The following DAB1 variants were observed in gnomAD, a reference collection of about 807,000 sequenced individuals.
The protein encoded by DAB1 is DAB adaptor protein 1.
DAB1 carries 15 observed loss-of-function variants against 64.6 expected under a neutral mutation model. The observed-to-expected ratio is 0.23, with a 90% confidence interval of 0.16 to 0.36. The LOEUF is 0.36. DAB1 is among the 10% of genes least tolerant of loss of function. The pLI is 1.00. For missense variants in DAB1, 596 were observed against 706.7 expected, an observed-to-expected ratio of 0.84 and a Z score of 1.78; for synonymous variants, 235 against 251.9, an observed-to-expected ratio of 0.93 and a Z score of 0.64.
At chr1:58,524,034 T>C (rs1488495263) in intron 2 of DAB1, among the ~76,000 whole-genome samples, 15 of 152,232 alleles carry the variant, frequency 9.9e-5, no homozygotes, top group Non-Finnish European at 1.5e-5. Flanking sequence ...ACCAAAAGAC[T>C]GGCAGCTGGT....
At chr1:58,536,454 C>T in intron 1 of DAB1, 1 of 746,640 alleles carries the variant, frequency 1.3e-6, no homozygotes, top group East Asian at 2.5e-5. Flanking sequence ...ATTTAAGATA[C>T]TTTCCTACTT....
chr1:58,073,892 G>C (rs1472506395), intron 5 of DAB1, among the ~76,000 whole-genome samples: 1 of 152,166 alleles, frequency 6.6e-6, no homozygotes, highest in African/African-American at 2.4e-5. Context: ...CACTCTCTAA[G>C]GGAAGCAGAA....
intron 7 of DAB1, among the ~76,000 whole-genome samples, chr1:57,648,529 A>G (rs1177114269): frequency 6.6e-6 from 1 of 152,192 alleles, no homozygotes; most frequent in African/African-American, 2.4e-5. Context: ...AGTCCCTCAG[A>G]GTAATTAATT....
chr1:57,197,630 A>G (rs1442926482), intron 2 of DAB1, among the ~76,000 whole-genome samples: 1 of 152,256 alleles, frequency 6.6e-6, no homozygotes, highest in African/African-American at 2.4e-5. Context: ...TTTTAGTGCC[A>G]GATTCATCTA....
At chr1:57,317,463 G>A (rs1180964381) in intron 1 of DAB1, among the ~76,000 whole-genome samples, 8 of 152,024 alleles carry the variant, frequency 5.3e-5, no homozygotes, top group East Asian at 1.9e-4. Context: ...TTTTAGTCAC[G>A]TAAATAGAAT....
intron 1 of DAB1, among the ~76,000 whole-genome samples, chr1:57,390,892 T>C (rs539310): frequency 0.41 from 62,480 of 152,146 alleles, 13,412 homozygotes; most frequent in African/African-American, 0.47. Flanking sequence ...AATTCCTAGC[T>C]GTCCTCCTTC....
chr1:58,101,481 G>A (rs1219519854), intron 5 of DAB1, among the ~76,000 whole-genome samples: 2 of 152,132 alleles, frequency 1.3e-5, no homozygotes, highest in Non-Finnish European at 2.9e-5. Context: ...TACCTGGGGG[G>A]TAAGGGGACA....
chr1:58,497,364 T>C (rs962827443), intron 3 of DAB1, among the ~76,000 whole-genome samples: 1 of 152,178 alleles, frequency 6.6e-6, no homozygotes, highest in Admixed American at 6.5e-5. Context: ...AGAAATCTGA[T>C]GTAGACAGAA....
chr1:57,870,098 T>C (rs995236331), intron 1 of DAB1, among the ~76,000 whole-genome samples: 3 of 152,088 alleles, frequency 2.0e-5, no homozygotes, highest in Non-Finnish European at 4.4e-5. Flanking sequence ...CTCTGTATAA[T>C]GGGGGCAATC....
At chr1:57,810,120 C>T (rs1478384226) in intron 6 of DAB1, among the ~76,000 whole-genome samples, 1 of 152,156 alleles carries the variant, frequency 6.6e-6, no homozygotes, top group African/African-American at 2.4e-5. Context: ...CTCCCCCAGC[C>T]TTTTAGATTC....
rs530985618 is a variant in DAB1, at chr1:57,161,379, G to A, written c.68-15950C>T. 8.5e-5 allele frequency among the ~76,000 whole-genome samples: 13 copies of A among 152,240 alleles called. No individual in the cohort carries two copies. The East Asian group carries it at 1.2e-3, about 14-fold the overall frequency. ...CAAAGTCCCCCGGCAAAACTGTTGC[G>A]TGTTTGCCAGCCATCCTGGGCAGCT... On this transcript the variant is annotated intron_variant, in intron 2 of 14. Transcript: ENST00000371236.
chr1:57,872,348 C>T (rs1297911228), intron 1 of DAB1, among the ~76,000 whole-genome samples: 1 of 152,132 alleles, frequency 6.6e-6, no homozygotes, highest in Non-Finnish European at 1.5e-5. Flanking sequence ...AAAGAGACTC[C>T]TCATCCCTTC....
chr1:57,952,275 AAG>A (rs1356876611), intron 5 of DAB1, among the ~76,000 whole-genome samples: 1 of 152,098 alleles, frequency 6.6e-6, no homozygotes, highest in African/African-American at 2.4e-5. Flanking sequence ...TATGATGGGG[AAG>A]AGTCATCTTT....
At chr1:57,097,697 T>C (rs1654294129) in intron 4 of DAB1, among the ~76,000 whole-genome samples, 1 of 152,146 alleles carries the variant, frequency 6.6e-6, no homozygotes. Flanking sequence ...ATTATATAAT[T>C]TTCATTTACT....
intron 2 of DAB1, among the ~76,000 whole-genome samples, chr1:57,289,434 T>C (rs1672588385): frequency 6.6e-6 from 1 of 152,210 alleles, no homozygotes; most frequent in Admixed American, 6.5e-5. Flanking sequence ...TCCCAAGACA[T>C]GTTCTTTCAC....
At chr1:58,096,776 G>C (rs1651009689) in intron 5 of DAB1, among the ~76,000 whole-genome samples, 5 of 152,232 alleles carry the variant, frequency 3.3e-5, no homozygotes, top group Admixed American at 3.3e-4. Flanking sequence ...CTTCAGGGCT[G>C]CCATGGACCA....
At chr1:58,464,636 T>C (rs1557771367) in intron 3 of DAB1, among the ~76,000 whole-genome samples, 3 of 152,196 alleles carry the variant, frequency 2.0e-5, no homozygotes, top group African/African-American at 7.2e-5. Context: ...AGCATCAATA[T>C]AACACAAAGA....
chr1:57,121,481 G>A (rs752467899), intron 4 of DAB1, among the ~76,000 whole-genome samples: 2 of 151,792 alleles, frequency 1.3e-5, no homozygotes, highest in East Asian at 1.9e-4. Flanking sequence ...TTGCAAAAAA[G>A]GAATTGTCCC....
chr1:58,041,016 C>T (rs772855912), intron 5 of DAB1, among the ~76,000 whole-genome samples: 12 of 152,166 alleles, frequency 7.9e-5, no homozygotes, highest in Non-Finnish European at 1.2e-4. Context: ...ATTACAGTTC[C>T]GTAAACAGCT....
Sources: gnomAD v4.1 joint callset for allele counts (sites outside exome capture counted in the v4.1 genomes callset) on GRCh38, gnomAD v4.1.1 for gene constraint, MANE v1.5 for transcripts, NCBI Gene and HGNC (gene_info 2026-07-23, HGNC 2026-07-21) for gene names.